KDM5A: variants seen among roughly 807,000 people sequenced by gnomAD.
KDM5A encodes lysine demethylase 5A, also known as lysine-specific demethylase 5A.
KDM5A carries 42 observed loss-of-function variants against 193.5 expected under a neutral mutation model. That is an observed-to-expected ratio of 0.22 (90% CI 0.17 to 0.28). KDM5A has a LOEUF of 0.28. KDM5A is among the 10% of genes least tolerant of loss of function. KDM5A has a pLI of 1.00. For synonymous variants in KDM5A, 796 were observed against 718.1 expected (o/e 1.11, Z -1.73); for missense variants, 1,692 against 2,055.1 (o/e 0.82, Z 3.42).
At chr12:380,415 T>C (rs556921501) in intron 3 of KDM5A, among the ~76,000 whole-genome samples, 2 of 152,022 alleles carry the variant, frequency 1.3e-5, no homozygotes, top group East Asian at 1.9e-4. Context: ...TTTATGAAAA[T>C]AAAATAGAGA....
Position 281,144 on chromosome 12 carries a change from T to C in KDM5A, c.*4312A>G, listed in dbSNP as rs1943150828. The stretch of plus-strand genomic sequence containing the variant: ...CTTTTAGATGTAATGCAATTAACCA[T>C]ATCTAATATTCTTTTAGAAAACACA... On this transcript the variant is annotated 3_prime_UTR_variant, in exon 28 of 28. Transcript: ENST00000399788. 3 of 233,028 alleles carry C rather than the reference T, an allele frequency of 1.3e-5. No homozygotes were observed. In the East Asian group the frequency reaches 1.8e-4, roughly 14 times the overall value. The allele number at this position is 233,028 out of a possible 1,614,324, so 14.4% of individuals were successfully genotyped here. A position where few individuals can be genotyped will look rare whatever the true frequency, so the allele number is the denominator to read the frequency against.
In KDM5A at chr12:318,421, T is replaced by C. The variant is rs753197984; in HGVS notation, c.2582A>G (p.Gln861Arg). 6.2e-7 allele frequency: 1 copy of C among 1,614,094 alleles called. No homozygotes were observed. Among genetic ancestry groups the C allele is most frequent in the East Asian group, 2.2e-5 (1 of 44,888 alleles). ...DDVEEFHERAQEAMMDETPDS... is the reference protein window; with the variant it reads ...DDVEEFHERAREAMMDETPDS... ...TGGGGTTTCATCCATCATGGCCTCC[T>C]GAGCACGTTCATGAAACTCTTCCAC... Residue 861 changes from glutamine (Q) to arginine (R), a missense_variant, in exon 19 of 28, where the codon CAG (glutamine) becomes CGG (arginine). Gln to Arg is a conservative substitution (Grantham distance 43, BLOSUM62 1). This residue lies in a region of KDM5A where 965 missense variants were observed against 1,061.0 expected (regional missense o/e 0.91). Transcript: ENST00000399788.
At chr12:365,377 T>C (rs895655243) in intron 4 of KDM5A, among the ~76,000 whole-genome samples, 1 of 152,164 alleles carries the variant, frequency 6.6e-6, no homozygotes, top group Non-Finnish European at 1.5e-5. Context: ...TCTGAAAACA[T>C]TAGGCTAAGT....
chr12:290,831 G>A (rs1943283075), intron 27 of KDM5A, among the ~76,000 whole-genome samples: 1 of 152,092 alleles, frequency 6.6e-6, no homozygotes, highest in Non-Finnish European at 1.5e-5. Context: ...TAAGTGATAA[G>A]GAGAAAGAGT....
In KDM5A at chr12:354,122, G is replaced by A. The variant is rs201963528; in HGVS notation, c.983C>T (p.Pro328Leu). 4.2e-4 allele frequency: 681 copies of A among 1,613,692 alleles called. 2 individuals are homozygous for A. In the African/African-American group the frequency reaches 4.6e-3, roughly 11 times the overall value. ...CCTCCAGTCTCCTTTGGGCACATCAGGTAGTGGAGGAATTAGACAAAATGT... is the reference window on the plus strand; with the variant it reads ...CCTCCAGTCTCCTTTGGGCACATCAAGTAGTGGAGGAATTAGACAAAATGT... ...YHTFCLIPPLPDVPKGDWRCP... is the reference protein window; with the variant it reads ...YHTFCLIPPLLDVPKGDWRCP... Residue 328 changes from proline (P) to leucine (L), a missense_variant, in exon 8 of 28, where the codon CCT (proline) becomes CTT (leucine). Transcript: ENST00000399788.
Position 307,324 on chromosome 12 carries a change from G to A in KDM5A, c.3930+130C>T, listed in dbSNP as rs1943519714. 9.2e-7 allele frequency: 1 copy of A among 1,088,798 alleles called. No individual in the cohort carries two copies. The highest frequency in any genetic ancestry group is 1.4e-6 in the Non-Finnish European group (1 of 727,242). The allele number at this position is 1,088,798 out of a possible 1,614,324, so 67.4% of individuals were successfully genotyped here. A position where few individuals can be genotyped will look rare whatever the true frequency, so the allele number is the denominator to read the frequency against. On this transcript the variant is annotated intron_variant, in intron 23 of 27. Coordinates refer to ENST00000399788, the MANE Select transcript of KDM5A (RefSeq NM_001042603.3). This position sits in a 1 kb window ranked among gnomAD's most constrained non-coding sequence, Gnocchi z 4.3. The stretch of plus-strand genomic sequence containing the variant: ...AAAAGTGCTATAGTGTATGTTGAAG[G>A]AGAATGCAATGGATAATTGCTGACA...
intron 6 of KDM5A, 82 bp from the exon 7 acceptor site, chr12:355,331 A>T: frequency 2.5e-6 from 2 of 793,884 alleles, no homozygotes; most frequent in Non-Finnish European, 4.5e-6. Flanking sequence ...AAAATTATTT[A>T]AATTAGTTAA....
chr12:353,924 A>G, intron 8 of KDM5A, 152 bp downstream of exon 8: 2 of 631,586 alleles, frequency 3.2e-6, no homozygotes, highest in Non-Finnish European at 5.4e-6. Context: ...CCATCTCAAA[A>G]AAAAAAAAAA....
chr12:323,544 T>TAAAG lies in KDM5A; in HGVS notation c.2150+55_2150+56insCTTT, dbSNP rs1258266649. The TAAAG allele has an allele frequency of 3.8e-5, 57 of 1,496,956 alleles. No homozygotes were observed. In the African/African-American group the frequency reaches 7.3e-4, roughly 19 times the overall value. The allele number at this position is 1,496,956 out of a possible 1,614,324, so 92.7% of individuals were successfully genotyped here. A position where few individuals can be genotyped will look rare whatever the true frequency, so the allele number is the denominator to read the frequency against. The stretch of plus-strand genomic sequence containing the variant: ...AGTAAGGGAATAAGTAAAAATAACA[T>TAAAG]TAAAACTTGGTTTTAAAAAAAGGTA... On this transcript the variant is annotated intron_variant, in intron 15 of 27. Coordinates refer to ENST00000399788, the MANE Select transcript of KDM5A (RefSeq NM_001042603.3).
intron 3 of KDM5A, among the ~76,000 whole-genome samples, chr12:377,296 A>T (rs1281947733): frequency 6.6e-6 from 1 of 152,236 alleles, no homozygotes; most frequent in East Asian, 1.9e-4. Context: ...AGAGTCAAAA[A>T]GAAGAGAAAA....
chr12:388,854 A>G (rs909665026), intron 1 of KDM5A, 73 bp downstream of exon 1: 9 of 1,510,346 alleles, frequency 6.0e-6, no homozygotes, highest in Non-Finnish European at 8.3e-6. Context: ...AGGATCAGAA[A>G]AGTAAAGCTA....
chr12:322,805 C>A (rs867146329), intron 16 of KDM5A, among the ~76,000 whole-genome samples: 2 of 152,132 alleles, frequency 1.3e-5, no homozygotes, highest in South Asian at 4.1e-4. Context: ...TCCAAAGAAG[C>A]CTTCAGTGTC....
At chr12:305,422 G>A (rs2137383799) in intron 24 of KDM5A, among the ~76,000 whole-genome samples, 1 of 152,224 alleles carries the variant, frequency 6.6e-6, no homozygotes, top group African/African-American at 2.4e-5. Context: ...ATGATGGATG[G>A]TTTTAATTTT....
At chr12:291,333 A>T (rs1943291472) in intron 27 of KDM5A, among the ~76,000 whole-genome samples, 2 of 152,236 alleles carry the variant, frequency 1.3e-5, no homozygotes, top group Admixed American at 1.3e-4. Flanking sequence ...ATCTCATTTA[A>T]ATATGTGTCA....
intron 24 of KDM5A, 71 bp from the exon 25 acceptor site, chr12:297,271 G>T: frequency 7.2e-7 from 1 of 1,389,424 alleles, no homozygotes; most frequent in Admixed American, 1.7e-5. Context: ...GGCCCAAAAT[G>T]GAGGCTTTCA....
At chr12:352,597 TC>T (rs1296801897) in intron 8 of KDM5A, among the ~76,000 whole-genome samples, 1 of 152,202 alleles carries the variant, frequency 6.6e-6, no homozygotes, top group African/African-American at 2.4e-5. Context: ...AAGACAAGCA[TC>T]TAAAGGACTA....
intron 27 of KDM5A, among the ~76,000 whole-genome samples, chr12:290,717 G>GA (rs3216507): frequency 4.1e-4 from 60 of 147,444 alleles, no homozygotes; most frequent in African/African-American, 6.7e-4. Flanking sequence ...CATAGCAAAT[G>GA]AAAAAAAAAA....
At chr12:354,301 C>A in intron 7 of KDM5A, 67 bp from the exon 8 acceptor site, 1 of 1,129,016 alleles carries the variant, frequency 8.9e-7, no homozygotes, top group Non-Finnish European at 1.3e-6. Flanking sequence ...CCAGGAACTC[C>A]TTAGCTGAAA....
chr12:340,892 C>CT (rs1282407832), intron 10 of KDM5A, among the ~76,000 whole-genome samples: 1 of 152,122 alleles, frequency 6.6e-6, no homozygotes, highest in Non-Finnish European at 1.5e-5. Flanking sequence ...AAAGCTGCTC[C>CT]TATCTAACAA....
Sources: gnomAD v4.1 joint callset for allele counts (sites outside exome capture counted in the v4.1 genomes callset) on GRCh38, gnomAD v4.1.1 for gene constraint, gnomAD v4.1.1 regional missense constraint, Gnocchi (gnomAD v3.1) non-coding constraint, MANE v1.5 for transcripts, NCBI Gene and HGNC (gene_info 2026-07-23, HGNC 2026-07-21) for gene names.